The following CNTN6 variants were observed in gnomAD, a reference collection of about 807,000 sequenced individuals.
CNTN6 encodes contactin-6.
CNTN6 carries 137 observed loss-of-function variants against 122.8 expected under a neutral mutation model. That is an observed-to-expected ratio of 1.12 (90% CI 0.97 to 1.29). CNTN6 has a LOEUF of 1.29. CNTN6 is among the 50% of genes most tolerant of loss of function. CNTN6 has a pLI of 0.00. For synonymous variants in CNTN6, 570 were observed against 426.0 expected (o/e 1.34, Z -4.16); for missense variants, 1,634 against 1,223.4 (o/e 1.34, Z -5.01).
chr3:1,250,070 T>C (rs2094639610), intron 4 of CNTN6, among the ~76,000 whole-genome samples: 1 of 152,214 alleles, frequency 6.6e-6, no homozygotes, highest in South Asian at 2.1e-4. Flanking sequence ...TATTCCTCTT[T>C]GGCAAGTCTA....
chr3:1,294,892 A>T (rs1368647140), intron 5 of CNTN6, among the ~76,000 whole-genome samples: 2 of 152,116 alleles, frequency 1.3e-5, no homozygotes, highest in African/African-American at 4.8e-5. Flanking sequence ...TGTGACCTTT[A>T]TAGGGCACAG....
intron 7 of CNTN6, among the ~76,000 whole-genome samples, chr3:1,304,527 T>G (rs535692423): frequency 1.3e-5 from 2 of 152,262 alleles, no homozygotes; most frequent in African/African-American, 4.8e-5. Flanking sequence ...CATGTGCAGA[T>G]GTAGTATGAC....
chr3:1,302,090 C>G (rs934196004), intron 7 of CNTN6, among the ~76,000 whole-genome samples: 1 of 152,120 alleles, frequency 6.6e-6, no homozygotes, highest in African/African-American at 2.4e-5. Flanking sequence ...AATTAACAAT[C>G]TGAAAATAAA....
Position 1,337,270 on chromosome 3 carries a change from T to C in CNTN6, c.1364+7335T>C, listed in dbSNP as rs539060973. ...CTGATCTTGTGGAGGCACCAGCTAATGGGAGTCTGGCTGCCTGAATGCAAG... is the reference window on the plus strand; with the variant it reads ...CTGATCTTGTGGAGGCACCAGCTAACGGGAGTCTGGCTGCCTGAATGCAAG... On this transcript the variant is annotated intron_variant, in intron 11 of 22. Coordinates refer to ENST00000446702, the MANE Select transcript of CNTN6 (RefSeq NM_001289080.2). Among the ~76,000 whole-genome samples the C allele has an allele frequency of 1.4e-4, 22 of 152,282 alleles. No individual in the cohort carries two copies. The South Asian group carries it at 2.3e-3, about 16-fold the overall frequency.
chr3:1,196,816 T>C (rs747894448), intron 2 of CNTN6, among the ~76,000 whole-genome samples: 2 of 152,198 alleles, frequency 1.3e-5, no homozygotes, highest in Non-Finnish European at 2.9e-5. Context: ...CCATGCATTA[T>C]TGCAGGTCTT....
chr3:1,123,878 G>GT (rs748948750), intron 1 of CNTN6, among the ~76,000 whole-genome samples: 16 of 151,904 alleles, frequency 1.1e-4, no homozygotes, highest in Non-Finnish European at 2.1e-4. Flanking sequence ...TTTTCTGAAT[G>GT]TTTTTATCAT....
intron 11 of CNTN6, among the ~76,000 whole-genome samples, 187 bp from the exon 12 acceptor site, chr3:1,352,137 A>C (rs1705735002): frequency 6.6e-6 from 1 of 151,958 alleles, no homozygotes; most frequent in South Asian, 2.1e-4. Flanking sequence ...ATAAAAGCAA[A>C]TGCCATTTAC....
intron 2 of CNTN6, among the ~76,000 whole-genome samples, chr3:1,212,309 C>T (rs2094052818): frequency 6.8e-6 from 1 of 147,188 alleles, no homozygotes; most frequent in Non-Finnish European, 1.5e-5. Flanking sequence ...AGCAATCTGC[C>T]CGTCTTGGCC....
intron 4 of CNTN6, among the ~76,000 whole-genome samples, chr3:1,274,777 GGCCCT>G (rs1692015704): frequency 6.6e-6 from 1 of 152,028 alleles, no homozygotes; most frequent in East Asian, 1.9e-4. Flanking sequence ...ATGTATGGTT[GGCCCT>G]AACCACTCAG....
intron 1 of CNTN6, among the ~76,000 whole-genome samples, chr3:1,121,416 A>C (rs1028487193): frequency 6.6e-6 from 1 of 151,902 alleles, no homozygotes; most frequent in Non-Finnish European, 1.5e-5. Flanking sequence ...TGCAAGATGG[A>C]TATTGAGTAG....
intron 4 of CNTN6, among the ~76,000 whole-genome samples, chr3:1,262,295 G>T (rs991813307): frequency 4.6e-5 from 7 of 152,110 alleles, no homozygotes; most frequent in Non-Finnish European, 8.8e-5. Flanking sequence ...TGTTATGGGG[G>T]CATGAACTAT....
chr3:1,162,635 T>C (rs2093162262), intron 2 of CNTN6, among the ~76,000 whole-genome samples: 1 of 152,234 alleles, frequency 6.6e-6, no homozygotes, highest in East Asian at 1.9e-4. Flanking sequence ...CTCAAACACT[T>C]AGTCTCTCAA....
At chr3:1,370,942 C>T (rs1295902785) in intron 12 of CNTN6, among the ~76,000 whole-genome samples, 2 of 152,022 alleles carry the variant, frequency 1.3e-5, no homozygotes, top group Admixed American at 6.6e-5. Flanking sequence ...ATATTTGATA[C>T]AGAATGAGTT....
chr3:1,354,809 A>G (rs185251919), intron 12 of CNTN6, among the ~76,000 whole-genome samples: 102 of 151,622 alleles, frequency 6.7e-4, no homozygotes, highest in African/African-American at 2.3e-3. Flanking sequence ...ACACTTTGCA[A>G]AAAAAGAACA....
intron 5 of CNTN6, among the ~76,000 whole-genome samples, chr3:1,289,775 C>T (rs1056963233): frequency 4.0e-5 from 6 of 151,710 alleles, no homozygotes; most frequent in African/African-American, 7.3e-5. Flanking sequence ...CCCGGGTTCC[C>T]GCCATTCTCC....
chr3:1,261,371 G>A (rs903031924), intron 4 of CNTN6, among the ~76,000 whole-genome samples: 6 of 152,218 alleles, frequency 3.9e-5, no homozygotes, highest in African/African-American at 1.2e-4. Flanking sequence ...GGTTGTCATT[G>A]TGGGCAATTG....
chr3:1,179,472 G>A (rs1259749286), intron 2 of CNTN6, among the ~76,000 whole-genome samples: 4 of 152,132 alleles, frequency 2.6e-5, no homozygotes, highest in Non-Finnish European at 5.9e-5. Context: ...GGTTTTAGGC[G>A]AATTATGTCC....
At chr3:1,135,203 T>TA (rs397815165) in intron 1 of CNTN6, among the ~76,000 whole-genome samples, 2 of 152,062 alleles carry the variant, frequency 1.3e-5, no homozygotes, top group Admixed American at 1.3e-4. Flanking sequence ...CACTCTTTTT[T>TA]ATTTTTATTA....
intron 4 of CNTN6, among the ~76,000 whole-genome samples, chr3:1,258,065 G>T (rs1046486456): frequency 6.6e-6 from 1 of 152,040 alleles, no homozygotes. Flanking sequence ...TCACAAATCA[G>T]TCCCCTCCAA....
Sources: allele counts gnomAD v4.1 joint callset (sites outside exome capture counted in the v4.1 genomes callset), GRCh38; gene constraint gnomAD v4.1.1; transcripts MANE v1.5; gene names NCBI Gene and HGNC (gene_info 2026-07-23, HGNC 2026-07-21).